Variants in RABGAP1 observed in about 807,000 individuals in gnomAD.
RABGAP1 encodes RAB GTPase activating protein 1, also known as rab GTPase-activating protein 1.
A neutral mutation model predicts 137.6 loss-of-function variants in RABGAP1; 23 were observed. That is an observed-to-expected ratio of 0.17 (90% CI 0.12 to 0.24). The LOEUF (loss-of-function observed/expected upper bound fraction) is 0.24. Ranked by LOEUF, RABGAP1 falls within the 10% of genes least tolerant of loss-of-function variation. The pLI is 1.00. For missense variants in RABGAP1, 906 were observed against 1,275.8 expected (o/e 0.71, Z 4.42); for synonymous variants, 451 against 450.7 (o/e 1.00, Z -0.01).
intron 13 of RABGAP1, chr9:123,035,023 A>T: frequency 6.2e-7 from 1 of 1,613,802 alleles, no homozygotes; most frequent in Non-Finnish European, 8.5e-7. Context: ...TATTTTCCTG[A>T]TTTGGCTATA....
In RABGAP1 at chr9:123,090,345, TGG is replaced by T; in HGVS notation, c.2589_2590del (p.Val864AspfsTer12). 1 of 1,613,464 alleles carries T rather than the reference TGG, an allele frequency of 6.2e-7. No homozygotes were observed. ...GAAAACGATGACTTAGCCCATGAGC[TGG>T]TGACCAGCAAGATTGCACTACGGAA... On this transcript the variant is annotated frameshift_variant, in exon 21 of 26. Transcript: ENST00000373647. LOFTEE classifies it high-confidence loss of function.
At chr9:123,098,950 T>C (rs1282176291) in intron 23 of RABGAP1, 152 bp downstream of exon 23, 2 of 540,572 alleles carry the variant, frequency 3.7e-6, no homozygotes, top group Non-Finnish European at 6.7e-6. Context: ...GCTTCACTTA[T>C]TCTCAGTTGT....
At chr9:122,980,622 G>A (rs1295949608) in intron 2 of RABGAP1, among the ~76,000 whole-genome samples, 1 of 152,204 alleles carries the variant, frequency 6.6e-6, no homozygotes, top group Non-Finnish European at 1.5e-5. Flanking sequence ...GTAAACCATA[G>A]CTGTAAGGGA....
intron 14 of RABGAP1, among the ~76,000 whole-genome samples, chr9:123,068,431 G>A (rs920767930): frequency 6.6e-6 from 1 of 151,354 alleles, no homozygotes. Flanking sequence ...TAACTCTAAA[G>A]CCTCTGTTCT....
intron 3 of RABGAP1, among the ~76,000 whole-genome samples, chr9:122,985,411 G>A (rs948645978): frequency 5.3e-5 from 8 of 152,208 alleles, no homozygotes; most frequent in Admixed American, 2.0e-4. Flanking sequence ...TCAGGAGATC[G>A]AGACCATCTG....
chr9:123,036,090 A>G lies in RABGAP1; in HGVS notation c.1794+15631A>G, dbSNP rs149896548. 1.0e-3 allele frequency among the ~76,000 whole-genome samples: 154 copies of G among 152,356 alleles called. No homozygotes were observed. The Middle Eastern group carries it at 0.01, about 10-fold the overall frequency. ...AAATATAAATGAAAAGGTTTTAGAA[A>G]TTACTTTTTATGTATGCCAAAGCAT... On this transcript the variant is annotated intron_variant, in intron 13 of 25. Coordinates refer to ENST00000373647, the MANE Select transcript of RABGAP1 (RefSeq NM_012197.4).
intron 21 of RABGAP1, among the ~76,000 whole-genome samples, chr9:123,095,502 C>G (rs931108025): frequency 1.1e-4 from 16 of 152,156 alleles, no homozygotes; most frequent in African/African-American, 3.9e-4. Flanking sequence ...GAGTTCAAGA[C>G]CAGCCTGGGC....
chr9:122,960,546 A>G (rs1834799676), intron 2 of RABGAP1, among the ~76,000 whole-genome samples: 1 of 152,232 alleles, frequency 6.6e-6, no homozygotes, highest in Non-Finnish European at 1.5e-5. Flanking sequence ...CAAATCTTGC[A>G]GTGGGGAGGC....
At chr9:123,017,471 T>C (rs900560303) in intron 12 of RABGAP1, among the ~76,000 whole-genome samples, 3 of 152,244 alleles carry the variant, frequency 2.0e-5, no homozygotes, top group Admixed American at 6.5e-5. Context: ...GTCTCTTCTT[T>C]AGTTCATTAC....
chr9:122,936,523 C>T (rs1451748049), upstream of RABGAP1, among the ~76,000 whole-genome samples: 1 of 152,122 alleles, frequency 6.6e-6, no homozygotes. Context: ...AGTGTGATAC[C>T]AGCTACTCAT....
intron 2 of RABGAP1, among the ~76,000 whole-genome samples, chr9:122,978,524 A>G (rs1309664155): frequency 6.6e-6 from 1 of 152,194 alleles, no homozygotes; most frequent in Non-Finnish European, 1.5e-5. Context: ...AATCTCAGCA[A>G]CTTGGGAGGC....
chr9:122,975,868 G>T (rs771684241), intron 2 of RABGAP1, among the ~76,000 whole-genome samples: 2 of 152,194 alleles, frequency 1.3e-5, no homozygotes, highest in Non-Finnish European at 2.9e-5. Context: ...GACAGTTGGG[G>T]CTCCCAGACA....
At chr9:123,100,959 G>A (rs891403028) in intron 24 of RABGAP1, among the ~76,000 whole-genome samples, 9 of 152,172 alleles carry the variant, frequency 5.9e-5, no homozygotes, top group Admixed American at 5.2e-4. Context: ...TCTGAAAGTC[G>A]GATGTTTTAT....
intron 4 of RABGAP1, among the ~76,000 whole-genome samples, chr9:122,986,873 A>G (rs1288431113): frequency 6.6e-6 from 1 of 152,148 alleles, no homozygotes. Flanking sequence ...CATGCCTGTA[A>G]TCCCAGCATT....
Position 123,020,429 on chromosome 9 carries a change from G to A in RABGAP1, c.1764G>A (p.Leu588=), listed in dbSNP as rs2031551243. The A allele has an allele frequency of 3.7e-6, 6 of 1,603,622 alleles. 1 individual carries two copies. In the African/African-American group the frequency reaches 4.0e-5, roughly 11 times the overall value. ...LLAGCHNNDH[L]VEKYRILITK... is the part of the protein sequence containing the mutation. ...CAGGCTGTCATAACAATGACCACCT[G>A]GTAGAGAAATACCGCATTCTTATCA... Residue 588 remains leucine, a synonymous_variant, in exon 13 of 26, where the codon CTG becomes CTA. Transcript: ENST00000373647.
chr9:122,941,060 G>A lies in RABGAP1; in HGVS notation c.-83G>A, dbSNP rs1194131305. On this transcript the variant is annotated 5_prime_UTR_variant, in exon 1 of 26. Transcript: ENST00000373647. The stretch of plus-strand genomic sequence containing the variant: ...GGCGGCGGAGCCTCCGGGACGGCGA[G>A]CGGCGGGCGGCGGAGGAGGAGACGG... 1.3e-5 allele frequency: 2 copies of A among 153,134 alleles called. No homozygotes were observed. Among genetic ancestry groups the A allele is most frequent in the African/African-American group, 4.8e-5 (2 of 41,444 alleles). The allele number at this position is 153,134 out of a possible 1,614,324, so 9.5% of individuals were successfully genotyped here.
intron 24 of RABGAP1, among the ~76,000 whole-genome samples, chr9:123,099,969 A>G (rs1248469010): frequency 6.6e-6 from 1 of 152,090 alleles, no homozygotes; most frequent in Non-Finnish European, 1.5e-5. Context: ...TCCAATTACA[A>G]TGAGGACCTT....
chr9:123,056,487 T>C lies in RABGAP1; in HGVS notation c.1795-8861T>C, dbSNP rs184673540. Among the ~76,000 whole-genome samples the C allele has an allele frequency of 6.0e-3, 915 of 151,408 alleles. 9 individuals carry two copies. The highest frequency in any genetic ancestry group is 0.01 in the Middle Eastern group (3 of 292). ...ATTATGCTGTTTCTTTTTTCTTTTT[T>C]TTTTTTTTTTTAATTGATCATTCTT... On this transcript the variant is annotated intron_variant, in intron 13 of 25. Transcript: ENST00000373647.
intron 6 of RABGAP1, chr9:122,990,557 G>A (rs1836615821): frequency 6.4e-6 from 1 of 156,358 alleles, no homozygotes. Flanking sequence ...ATCACCTGAG[G>A]TCGGGAGTTC....
Sources: allele counts gnomAD v4.1 joint callset (sites outside exome capture counted in the v4.1 genomes callset), GRCh38; gene constraint gnomAD v4.1.1; transcripts MANE v1.5; gene names NCBI Gene and HGNC (gene_info 2026-07-23, HGNC 2026-07-21).